The following RIPK1 variants were observed in gnomAD, a reference collection of about 807,000 sequenced individuals.
RIPK1 encodes receptor-interacting serine/threonine-protein kinase 1.
RIPK1 carries 27 observed loss-of-function variants against 62.4 expected under a neutral mutation model. The ratio of observed to expected loss-of-function variants is 0.43; its 90% CI spans 0.32 to 0.60. The LOEUF is 0.60. Ranked by LOEUF, RIPK1 falls within the 20% of genes least tolerant of loss-of-function variation. The pLI is 0.07. For synonymous variants in RIPK1, 287 were observed against 303.2 expected, an observed-to-expected ratio of 0.95 and a Z score of 0.55; for missense variants, 735 against 831.0, an observed-to-expected ratio of 0.88 and a Z score of 1.42.
intron 7 of RIPK1, among the ~76,000 whole-genome samples, chr6:3,097,439 AC>A (rs2113667475): frequency 6.6e-6 from 1 of 152,340 alleles, no homozygotes; most frequent in Non-Finnish European, 1.5e-5. Context: ...ATAGATCTAC[AC>A]ATACCTAGAA....
chr6:3,066,395 T>G (rs1758382125), upstream of RIPK1, among the ~76,000 whole-genome samples: 1 of 152,136 alleles, frequency 6.6e-6, no homozygotes, highest in Non-Finnish European at 1.5e-5. Context: ...TCAGTAAATA[T>G]TTACTGAAGG....
chr6:3,065,528 G>A (rs1649090650), upstream of RIPK1, among the ~76,000 whole-genome samples: 1 of 151,966 alleles, frequency 6.6e-6, no homozygotes, highest in Admixed American at 6.6e-5. Flanking sequence ...AGGCCTTGGA[G>A]ATGGGTGTGG....
At chr6:3,104,617 C>T (rs1760744029) in intron 8 of RIPK1, among the ~76,000 whole-genome samples, 1 of 152,066 alleles carries the variant, frequency 6.6e-6, no homozygotes, top group South Asian at 2.1e-4. Flanking sequence ...CTGAGGAGCT[C>T]GGAGTGACTT....
intron 6 of RIPK1, among the ~76,000 whole-genome samples, chr6:3,087,921 T>G (rs1378275263): frequency 6.6e-6 from 1 of 152,220 alleles, no homozygotes; most frequent in Non-Finnish European, 1.5e-5. Context: ...AGACTTTCTA[T>G]TTTTCATTTG....
chr6:3,096,676 CA>C (rs1287281201), intron 7 of RIPK1, among the ~76,000 whole-genome samples: 7 of 149,014 alleles, frequency 4.7e-5, no homozygotes, highest in African/African-American at 1.5e-4. Context: ...TCTCCTGCCT[CA>C]GTCTCCTGAG....
In RIPK1 at chr6:3,105,387, T is replaced by A. The variant is rs1219091373; in HGVS notation, c.1007-95T>A. The A allele has an allele frequency of 1.0e-6, 1 of 960,540 alleles. No homozygotes were observed. The highest frequency in any genetic ancestry group is 1.6e-6 in the Non-Finnish European group (1 of 633,462). 59.5% of individuals were successfully genotyped at this position (960,540 alleles called of 1,614,324 possible). On this transcript the variant is annotated intron_variant, in intron 8 of 10. Coordinates refer to ENST00000259808, the MANE Select transcript of RIPK1 (RefSeq NM_001354930.2). This position sits in a 1 kb window ranked among gnomAD's most constrained non-coding sequence, Gnocchi z 4.5. ...TGGTCTCGTACTTGTTTTCTGTGTG[T>A]TACTTTGAGATACAGATTCATGACG...
chr6:3,106,400 T>C (rs1227413581), intron 9 of RIPK1, among the ~76,000 whole-genome samples: 1 of 152,224 alleles, frequency 6.6e-6, no homozygotes, highest in Non-Finnish European at 1.5e-5. Flanking sequence ...TGCTACTTTT[T>C]GAAGGTAAGA....
intron 1 of RIPK1, among the ~76,000 whole-genome samples, chr6:3,070,362 C>T (rs1201250779): frequency 6.6e-6 from 1 of 152,148 alleles, no homozygotes. Flanking sequence ...TTGGATATTA[C>T]ATTCTGGCAA....
intron 1 of RIPK1, among the ~76,000 whole-genome samples, chr6:3,073,608 T>C (rs965045627): frequency 6.6e-6 from 1 of 152,126 alleles, no homozygotes; most frequent in Non-Finnish European, 1.5e-5. Context: ...CCTGAGGCAC[T>C]TCTCTTGTTT....
intron 1 of RIPK1, among the ~76,000 whole-genome samples, chr6:3,074,477 TA>T (rs1758947208): frequency 6.6e-6 from 1 of 152,202 alleles, no homozygotes. Flanking sequence ...CTATTATAAA[TA>T]AAGTTGCTAT....
chr6:3,098,450 T>G (rs908860418), intron 7 of RIPK1, among the ~76,000 whole-genome samples: 1 of 152,224 alleles, frequency 6.6e-6, no homozygotes, highest in African/African-American at 2.4e-5. Flanking sequence ...TTGGCAAATA[T>G]GGCAAGGCTT....
chr6:3,083,914 T>C (rs1759554218), intron 5 of RIPK1, among the ~76,000 whole-genome samples: 1 of 152,112 alleles, frequency 6.6e-6, no homozygotes, highest in South Asian at 2.1e-4. Flanking sequence ...ACACATCCTG[T>C]CGACACTGTC....
At chr6:3,109,725 A>G (rs773134164) in intron 9 of RIPK1, among the ~76,000 whole-genome samples, 1 of 152,180 alleles carries the variant, frequency 6.6e-6, no homozygotes, top group Non-Finnish European at 1.5e-5. Context: ...CATCACCACC[A>G]TCTATCTATA....
intron 7 of RIPK1, among the ~76,000 whole-genome samples, chr6:3,090,468 ACAAT>A (rs1375671695): frequency 1.3e-5 from 2 of 150,782 alleles, no homozygotes; most frequent in Non-Finnish European, 3.0e-5. Context: ...ATTCCCTCAA[ACAAT>A]CAGGAATATT....
chr6:3,072,587 C>T lies in RIPK1; in HGVS notation c.-61+3926C>T, dbSNP rs928814615. ...AGTTATTCAATTGATGATGGGCCGG[C>T]ATACGTTGGGTTCTGCTAGGCTCTG... On this transcript the variant is annotated intron_variant, in intron 1 of 10. Coordinates refer to ENST00000259808, the MANE Select transcript of RIPK1 (RefSeq NM_001354930.2). The surrounding 1 kb of genome is among the most constrained non-coding windows in gnomAD (Gnocchi z 5.6). Among the ~76,000 whole-genome samples, 7 of 152,090 alleles carry T rather than the reference C, an allele frequency of 4.6e-5. No homozygotes were observed. The highest frequency in any genetic ancestry group is 8.8e-5 in the Non-Finnish European group (6 of 68,022).
rs1414456470 is a variant in RIPK1 at position 3,096,600 on chromosome 6, C to T, written c.915+6943C>T. On this transcript the variant is annotated intron_variant, in intron 7 of 10. Coordinates refer to ENST00000259808, the MANE Select transcript of RIPK1 (RefSeq NM_001354930.2). ...TTTGAGACAGAGTCTCGCTCTGTCTCCCAGGCTGGAGTGCAGTGGCATGAT... is the reference window on the plus strand; with the variant it reads ...TTTGAGACAGAGTCTCGCTCTGTCTTCCAGGCTGGAGTGCAGTGGCATGAT... Among the ~76,000 whole-genome samples the T allele has an allele frequency of 2.4e-5, 3 of 127,126 alleles. No homozygotes were observed. In the Admixed American group the frequency reaches 2.9e-4, roughly 12 times the overall value. 83.4% of individuals were successfully genotyped at this position (127,126 alleles called of 152,430 possible). A position where few individuals can be genotyped will look rare whatever the true frequency, so the allele number is the denominator to read the frequency against.
intron 3 of RIPK1, 128 bp from the exon 4 acceptor site, chr6:3,080,851 T>C: frequency 2.9e-6 from 2 of 696,422 alleles, no homozygotes; most frequent in South Asian, 3.6e-5. Context: ...AGTACTGTGG[T>C]GCACCTGCTG....
chr6:3,082,976 G>C, intron 4 of RIPK1, 109 bp from the exon 5 acceptor site: 3 of 1,063,968 alleles, frequency 2.8e-6, no homozygotes, highest in Non-Finnish European at 4.3e-6. Context: ...ACCATTTCTG[G>C]AAAATTTACC....
intron 1 of RIPK1, 53 bp downstream of exon 1, chr6:3,068,714 C>G: frequency 1.0e-6 from 1 of 968,698 alleles, no homozygotes; most frequent in Non-Finnish European, 1.2e-6. Context: ...CGGGCTCAGT[C>G]CCGGTGACCC....
Sources: gnomAD v4.1 joint callset for allele counts (sites outside exome capture counted in the v4.1 genomes callset) on GRCh38, gnomAD v4.1.1 for gene constraint, Gnocchi (gnomAD v3.1) non-coding constraint, MANE v1.5 for transcripts, NCBI Gene and HGNC (gene_info 2026-07-23, HGNC 2026-07-21) for gene names.